PDZD8: variants seen among roughly 807,000 people sequenced by gnomAD.
The protein encoded by PDZD8 is PDZ domain containing 8.
A neutral mutation model predicts 85.8 loss-of-function variants in PDZD8; 14 were observed. The ratio of observed to expected loss-of-function variants is 0.16; its 90% confidence interval spans 0.11 to 0.26. The LOEUF (loss-of-function observed/expected upper bound fraction) is 0.26, where lower values mean the gene tolerates loss of function less well. Among genes scored for constraint, PDZD8 ranks in the 10% least tolerant of loss-of-function variants. PDZD8 has a pLI of 1.00. For synonymous variants in PDZD8, 592 were observed against 568.6 expected, an observed-to-expected ratio of 1.04 and a Z score of -0.59; for missense variants, 1,197 against 1,424.3, an observed-to-expected ratio of 0.84 and a Z score of 2.57.
chr10:117,290,711 A>G (rs916645474), intron 3 of PDZD8, among the ~76,000 whole-genome samples: 1 of 152,088 alleles, frequency 6.6e-6, no homozygotes, highest in African/African-American at 2.4e-5. Flanking sequence ...TTTAACACAA[A>G]ATTGAGATTT....
chr10:117,337,453 T>C (rs1844536473), intron 2 of PDZD8, among the ~76,000 whole-genome samples: 1 of 152,182 alleles, frequency 6.6e-6, no homozygotes, highest in Non-Finnish European at 1.5e-5. Flanking sequence ...TAAAAAATAC[T>C]TGACAAAAGC....
chr10:117,375,433 G>A lies in PDZD8; in HGVS notation c.-206C>T. ...GCGCCTCCTCAGACGCTCCCGAAGG[G>A]CCGGTGTGGCGGCGGCGGCAGCGGG... On this transcript the variant is annotated 5_prime_UTR_variant, in exon 1 of 5. Transcript: ENST00000334464. The A allele has an allele frequency of 3.8e-6, 1 of 260,312 alleles. No homozygotes were observed. Among genetic ancestry groups the A allele is most frequent in the East Asian group, 7.9e-5 (1 of 12,706 alleles). The allele number at this position is 260,312 out of a possible 1,614,324, so 16.1% of individuals were successfully genotyped here.
chr10:117,345,636 AT>A (rs1373093957), intron 1 of PDZD8, among the ~76,000 whole-genome samples: 1 of 151,486 alleles, frequency 6.6e-6, no homozygotes, highest in East Asian at 1.9e-4. Context: ...AGAAAAAGTT[AT>A]GAGACATAAA....
intron 3 of PDZD8, among the ~76,000 whole-genome samples, chr10:117,296,056 G>T (rs1843752283): frequency 6.6e-6 from 1 of 151,510 alleles, no homozygotes; most frequent in Non-Finnish European, 1.5e-5. Flanking sequence ...CAGATACTAT[G>T]ATCCTATACA....
chr10:117,353,612 T>C (rs1052744576), intron 1 of PDZD8, among the ~76,000 whole-genome samples: 18 of 152,122 alleles, frequency 1.2e-4, no homozygotes, highest in African/African-American at 3.6e-4. Context: ...AAAGGTTTGA[T>C]AGTGGGATTA....
At position 117,374,970 on chromosome 10, in the gene PDZD8, G is replaced by C; in HGVS notation, c.258C>G (p.Thr86=). Residue 86 remains threonine (T), a synonymous_variant, in exon 1 of 5, where the codon ACC becomes ACG. Transcript: ENST00000334464. The surrounding 1 kb of genome is among the most constrained non-coding windows in gnomAD (Gnocchi z 7.8). The stretch of plus-strand genomic sequence containing the variant: ...AAGTCTCCCGCGTCGGCGGGGCGGG[G>C]GTCTCGGGGGCCGCGGTGGGGGTCG... ...GGATPTAAPE[T]PAPPTRETCY... The C allele has an allele frequency of 6.2e-7, 1 of 1,605,168 alleles. No individual in the cohort carries two copies. The highest frequency in any genetic ancestry group is 8.5e-7 in the Non-Finnish European group (1 of 1,176,416).
At chr10:117,285,635 G>A (rs893885360) in intron 4 of PDZD8, 164 bp from the exon 5 acceptor site, 4 of 1,178,638 alleles carry the variant, frequency 3.4e-6, no homozygotes, top group Non-Finnish European at 4.4e-6. Context: ...TTGGCTTTTG[G>A]ATGAATCAGT....
chr10:117,315,987 G>A (rs535555727), intron 3 of PDZD8, among the ~76,000 whole-genome samples: 7 of 152,192 alleles, frequency 4.6e-5, no homozygotes, highest in South Asian at 2.1e-4. Context: ...CAATGGACCC[G>A]AAATAAATCA....
Position 117,280,616 on chromosome 10 carries a change from C to A in PDZD8, c.*2652G>T, listed in dbSNP as rs528506151. On this transcript the variant is annotated 3_prime_UTR_variant, in exon 5 of 5. Transcript: ENST00000334464. ...TTGAAGCTTTGTACCTTACTATACT[C>A]TAGGCTATTTGGAGTGTTCCCCCAC... 2 of 152,274 alleles carry A rather than the reference C, an allele frequency of 1.3e-5. No homozygotes were observed. The highest frequency in any genetic ancestry group is 4.1e-4 in the South Asian group (2 of 4,830). The allele number at this position is 152,274 out of a possible 1,614,324, so 9.4% of individuals were successfully genotyped here.
At chr10:117,310,683 C>T (rs1828280193) in intron 3 of PDZD8, among the ~76,000 whole-genome samples, 2 of 152,184 alleles carry the variant, frequency 1.3e-5, no homozygotes, top group South Asian at 4.1e-4. Flanking sequence ...TGAGTCCCTA[C>T]TGTATTCACA....
intron 2 of PDZD8, among the ~76,000 whole-genome samples, chr10:117,335,111 T>TAG (rs1375087791): frequency 5.9e-5 from 9 of 151,882 alleles, no homozygotes; most frequent in African/African-American, 2.2e-4. Context: ...AAGCCAAACA[T>TAG]AAAGTAAAAG....
chr10:117,302,979 A>G (rs954369763), intron 3 of PDZD8, among the ~76,000 whole-genome samples: 3 of 152,218 alleles, frequency 2.0e-5, no homozygotes, highest in Non-Finnish European at 4.4e-5. Context: ...CTTTATCAGA[A>G]GCATGAAAAT....
At chr10:117,321,717 T>C (rs1246702635) in intron 2 of PDZD8, among the ~76,000 whole-genome samples, 1 of 152,140 alleles carries the variant, frequency 6.6e-6, no homozygotes. Flanking sequence ...TTTTCTGTGG[T>C]AAGGTTACAT....
chr10:117,286,763 G>A (rs1231101742), intron 4 of PDZD8, among the ~76,000 whole-genome samples: 2 of 152,110 alleles, frequency 1.3e-5, no homozygotes, highest in Non-Finnish European at 2.9e-5. Flanking sequence ...AGATTACAAC[G>A]ATGTTCTTAC....
At chr10:117,347,536 A>G (rs905156274) in intron 1 of PDZD8, among the ~76,000 whole-genome samples, 3 of 152,208 alleles carry the variant, frequency 2.0e-5, no homozygotes, top group Admixed American at 6.5e-5. Context: ...CACCTTGGGC[A>G]TATGTTCAAA....
chr10:117,368,851 G>GTT (rs3034161), intron 1 of PDZD8, among the ~76,000 whole-genome samples: 1,018 of 98,944 alleles, frequency 0.01, 6 homozygotes, highest in Non-Finnish European at 0.014. Flanking sequence ...TATTGACAAT[G>GTT]TTTTTTTTTT....
At chr10:117,317,510 G>C (rs1844149830) in intron 3 of PDZD8, among the ~76,000 whole-genome samples, 1 of 152,030 alleles carries the variant, frequency 6.6e-6, no homozygotes, top group Non-Finnish European at 1.5e-5. Flanking sequence ...CTAAAATAAT[G>C]ACAAGATTAA....
chr10:117,286,011 C>G (rs944056508), intron 4 of PDZD8, among the ~76,000 whole-genome samples: 10 of 152,152 alleles, frequency 6.6e-5, no homozygotes, highest in African/African-American at 1.9e-4. Flanking sequence ...TTTACAGATT[C>G]TTTTTATCAA....
At chr10:117,311,351 CA>C (rs752198256) in intron 3 of PDZD8, among the ~76,000 whole-genome samples, 1 of 152,042 alleles carries the variant, frequency 6.6e-6, no homozygotes, top group African/African-American at 2.4e-5. Context: ...GGAAAGGAAA[CA>C]GAAGTGTGAC....
Sources: gnomAD v4.1 joint callset for allele counts (sites outside exome capture counted in the v4.1 genomes callset) on GRCh38, gnomAD v4.1.1 for gene constraint, Gnocchi (gnomAD v3.1) non-coding constraint, MANE v1.5 for transcripts, NCBI Gene and HGNC (gene_info 2026-07-23, HGNC 2026-07-21) for gene names.